HS3ST3A1: variants seen among roughly 807,000 people sequenced by gnomAD.
HS3ST3A1 encodes heparan sulfate glucosamine 3-O-sulfotransferase 3A1.
HS3ST3A1 carries 19 observed loss-of-function variants against 25.7 expected under a neutral mutation model. The ratio of observed to expected loss-of-function variants is 0.74; its 90% confidence interval spans 0.52 to 1.08. The LOEUF is 1.08. HS3ST3A1 is among the 50% of genes least tolerant of loss of function. HS3ST3A1 has a pLI of 0.00. For synonymous variants in HS3ST3A1, 226 were observed against 278.6 expected (o/e 0.81, Z 1.88); for missense variants, 459 against 594.3 (o/e 0.77, Z 2.37).
At chr17:13,543,548 C>T (rs1226758937) in intron 1 of HS3ST3A1, 2 of 167,914 alleles carry the variant, frequency 1.2e-5, no homozygotes, top group Non-Finnish European at 2.9e-5. Context: ...ACAGTGACTA[C>T]TTTTAGGTTG....
rs1395357582 is a variant in HS3ST3A1 at position 13,512,321 on chromosome 17, A to AAAAAAAAAAAAAC, written c.600-15504_600-15503insGTTTTTTTTTTTT. On this transcript the variant is annotated intron_variant, in intron 1 of 1. Transcript: ENST00000284110. ...ACTCCGTCTCAAAAAAAAAAAAAAA[A>AAAAAAAAAAAAAC]AAAAAACTGCATGATCCCATTTATA... 2.7e-3 allele frequency among the ~76,000 whole-genome samples: 393 copies of AAAAAAAAAAAAAC among 144,658 alleles called. 10 individuals carry two copies. The highest frequency in any genetic ancestry group is 7.9e-3 in the African/African-American group (303 of 38,144). 94.9% of individuals were successfully genotyped at this position (144,658 alleles called of 152,430 possible). A position where few individuals can be genotyped will look rare whatever the true frequency, so the allele number is the denominator to read the frequency against.
At chr17:13,516,074 G>C (rs1048701900) in intron 1 of HS3ST3A1, among the ~76,000 whole-genome samples, 1 of 152,128 alleles carries the variant, frequency 6.6e-6, no homozygotes, top group Non-Finnish European at 1.5e-5. Flanking sequence ...AGTTTGGAAG[G>C]CCGAAGCGGG....
chr17:13,500,431 T>C (rs1353280230), intron 1 of HS3ST3A1, among the ~76,000 whole-genome samples: 1 of 152,224 alleles, frequency 6.6e-6, no homozygotes, highest in African/African-American at 2.4e-5. Flanking sequence ...GAAAGATCTA[T>C]TACAGTATTA....
At chr17:13,518,820 A>G (rs1906134236) in intron 1 of HS3ST3A1, among the ~76,000 whole-genome samples, 1 of 152,228 alleles carries the variant, frequency 6.6e-6, no homozygotes, top group African/African-American at 2.4e-5. Context: ...AGCCAAGATC[A>G]GCAGAGCCAT....
At chr17:13,511,394 A>G (rs1317533602) in intron 1 of HS3ST3A1, among the ~76,000 whole-genome samples, 1 of 152,090 alleles carries the variant, frequency 6.6e-6, no homozygotes, top group Non-Finnish European at 1.5e-5. Flanking sequence ...GGGTGAGGGA[A>G]GTAGTTAGCT....
At chr17:13,553,524 C>T (rs1208497619) in intron 1 of HS3ST3A1, among the ~76,000 whole-genome samples, 1 of 152,168 alleles carries the variant, frequency 6.6e-6, no homozygotes, top group Non-Finnish European at 1.5e-5. Flanking sequence ...TGTTGGGGTC[C>T]TCAAGACCTG....
chr17:13,541,105 G>A (rs116638679), intron 1 of HS3ST3A1, among the ~76,000 whole-genome samples: 2,057 of 152,182 alleles, frequency 0.014, 50 homozygotes, highest in African/African-American at 0.047. Flanking sequence ...ATCCCCAAAG[G>A]CCTCCTTTAA....
chr17:13,570,102 CT>C (rs1245347572), intron 1 of HS3ST3A1, among the ~76,000 whole-genome samples: 28 of 152,204 alleles, frequency 1.8e-4, no homozygotes, highest in Admixed American at 1.8e-3. Flanking sequence ...GAAGAAAAAT[CT>C]TCTAGAATTA....
intron 1 of HS3ST3A1, among the ~76,000 whole-genome samples, chr17:13,585,016 C>G (rs753404043): frequency 6.6e-6 from 1 of 152,034 alleles, no homozygotes; most frequent in Non-Finnish European, 1.5e-5. Flanking sequence ...ATAATAAAAC[C>G]TGTATTCATC....
At chr17:13,556,787 G>T (rs2142361315) in intron 1 of HS3ST3A1, among the ~76,000 whole-genome samples, 1 of 151,624 alleles carries the variant, frequency 6.6e-6, no homozygotes, top group South Asian at 2.1e-4. Context: ...GGAAGGCAGA[G>T]GTTGCAGGGA....
At chr17:13,591,879 C>G (rs1007596380) in intron 1 of HS3ST3A1, among the ~76,000 whole-genome samples, 2 of 152,002 alleles carry the variant, frequency 1.3e-5, no homozygotes, top group African/African-American at 2.4e-5. Context: ...AGGCTGGTCT[C>G]GAACTCCTGC....
chr17:13,539,750 G>C (rs776316585), intron 1 of HS3ST3A1, among the ~76,000 whole-genome samples: 2 of 152,176 alleles, frequency 1.3e-5, no homozygotes, highest in Non-Finnish European at 2.9e-5. Context: ...ACAGGAAAAG[G>C]AACATGTCAG....
chr17:13,579,943 T>TAA (rs66568347), intron 1 of HS3ST3A1, among the ~76,000 whole-genome samples: 25 of 81,904 alleles, frequency 3.1e-4, no homozygotes, highest in East Asian at 6.8e-4. Flanking sequence ...TGACTCTGTC[T>TAA]AAAAAAAAAA....
intron 1 of HS3ST3A1, among the ~76,000 whole-genome samples, chr17:13,537,774 C>T (rs1233238089): frequency 6.6e-6 from 1 of 152,166 alleles, no homozygotes; most frequent in African/African-American, 2.4e-5. Flanking sequence ...CACTTGTCAA[C>T]TGAGGGTAGG....
chr17:13,496,285 T>C lies in HS3ST3A1; in HGVS notation c.1133A>G (p.Glu378Gly), dbSNP rs1905264142. 1 of 1,544,732 alleles carries C rather than the reference T, an allele frequency of 6.5e-7. No individual in the cohort carries two copies. The highest frequency in any genetic ancestry group is 1.3e-5 in the South Asian group (1 of 79,458). The change falls in exon 2 of 2, where the codon GAG becomes GGG. Residue 378 changes from glutamate to glycine, a missense_variant. Transcript: ENST00000284110. Reference sequence around the variant, plus strand: ...GAACTCGCGCAGCCTGCGCACCACCTCGCGGTCGATCTCAGGATGGGTCCT... The same window carrying C: ...GAACTCGCGCAGCCTGCGCACCACCCCGCGGTCGATCTCAGGATGGGTCCT... Reference protein sequence around the residue: ...KGRTHPEIDREVVRRLREFYR... With the variant: ...KGRTHPEIDRGVVRRLREFYR...
intron 1 of HS3ST3A1, among the ~76,000 whole-genome samples, chr17:13,542,586 C>T (rs1363509377): frequency 6.6e-6 from 1 of 151,954 alleles, no homozygotes; most frequent in Non-Finnish European, 1.5e-5. Flanking sequence ...TTTAGGTCCC[C>T]CAGCCTGTGG....
chr17:13,518,462 T>A (rs2142315252), intron 1 of HS3ST3A1, among the ~76,000 whole-genome samples: 1 of 152,288 alleles, frequency 6.6e-6, no homozygotes, highest in Non-Finnish European at 1.5e-5. Context: ...ATGTTTTGAG[T>A]TAGAATGTGT....
intron 1 of HS3ST3A1, among the ~76,000 whole-genome samples, chr17:13,501,171 T>C (rs1025853722): frequency 1.3e-5 from 2 of 152,026 alleles, no homozygotes; most frequent in Admixed American, 1.3e-4. Context: ...ATTAAAAGAG[T>C]TGTGGGGATC....
chr17:13,552,306 C>T (rs2142357497), intron 1 of HS3ST3A1, among the ~76,000 whole-genome samples: 1 of 152,288 alleles, frequency 6.6e-6, no homozygotes, highest in East Asian at 1.9e-4. Flanking sequence ...TGGTCTCGAA[C>T]TCCTGACCTC....
Sources: allele counts gnomAD v4.1 joint callset (sites outside exome capture counted in the v4.1 genomes callset), GRCh38; gene constraint gnomAD v4.1.1; transcripts MANE v1.5; gene names NCBI Gene and HGNC (gene_info 2026-07-23, HGNC 2026-07-21).